Variants in CDKL4 observed in about 807,000 individuals in gnomAD.
CDKL4 encodes the protein cyclin-dependent kinase-like 4.
A neutral mutation model predicts 42.0 loss-of-function variants in CDKL4; 44 were observed. That is an observed-to-expected ratio of 1.05 (90% CI 0.82 to 1.35). The LOEUF is 1.35. Among genes scored for constraint, CDKL4 ranks in the 40% most tolerant of loss-of-function variants. The pLI, the probability that CDKL4 is intolerant of heterozygous loss-of-function variation, is 0.00. For missense variants in CDKL4, 393 were observed against 369.9 expected, an observed-to-expected ratio of 1.06 and a Z score of -0.51; for synonymous variants, 120 against 121.6, an observed-to-expected ratio of 0.99 and a Z score of 0.09.
intron 5 of CDKL4, among the ~76,000 whole-genome samples, chr2:39,190,997 C>G (rs1269868747): frequency 6.6e-6 from 1 of 152,140 alleles, no homozygotes; most frequent in Non-Finnish European, 1.5e-5. Context: ...TGACTTGAAT[C>G]CTTACAGGGA....
intron 5 of CDKL4, among the ~76,000 whole-genome samples, chr2:39,202,331 T>G (rs541682774): frequency 6.6e-6 from 1 of 152,214 alleles, no homozygotes; most frequent in African/African-American, 2.4e-5. Flanking sequence ...CAAAAACCTA[T>G]TGAAATAAAA....
At chr2:39,219,589 T>G (rs1463689223) in intron 3 of CDKL4, among the ~76,000 whole-genome samples, 1 of 151,846 alleles carries the variant, frequency 6.6e-6, no homozygotes, top group Admixed American at 6.6e-5. Flanking sequence ...CCTGGCTAAT[T>G]TTTTGTATTT....
At chr2:39,211,012 C>A (rs754592793) in intron 4 of CDKL4, among the ~76,000 whole-genome samples, 1 of 152,294 alleles carries the variant, frequency 6.6e-6, no homozygotes, top group African/African-American at 2.4e-5. Context: ...CTATGATAGA[C>A]ATTCTGCTGG....
intron 5 of CDKL4, among the ~76,000 whole-genome samples, chr2:39,204,138 T>C (rs1677021849): frequency 6.6e-6 from 1 of 152,204 alleles, no homozygotes. Flanking sequence ...CTCTGTGAAG[T>C]TTTTTTCAAC....
upstream of CDKL4, among the ~76,000 whole-genome samples, chr2:39,246,892 C>T (rs1679937032): frequency 1.3e-5 from 2 of 152,170 alleles, no homozygotes; most frequent in African/African-American, 2.4e-5. Context: ...GGACTATAGG[C>T]ATGTGCCATT....
chr2:39,202,902 A>C (rs1192644668), intron 5 of CDKL4, among the ~76,000 whole-genome samples: 1 of 152,178 alleles, frequency 6.6e-6, no homozygotes, highest in Non-Finnish European at 1.5e-5. Flanking sequence ...TTGAGCTGTA[A>C]CCAGTGCCTG....
chr2:39,222,024 G>A (rs1678404620), intron 3 of CDKL4, among the ~76,000 whole-genome samples: 1 of 152,142 alleles, frequency 6.6e-6, no homozygotes, highest in Non-Finnish European at 1.5e-5. Context: ...TGTATCCTCT[G>A]CACCAGTGTA....
chr2:39,172,681 A>C (rs1675034656), downstream of CDKL4, among the ~76,000 whole-genome samples: 1 of 152,090 alleles, frequency 6.6e-6, no homozygotes, highest in South Asian at 2.1e-4. Context: ...TCCTGAGTTC[A>C]AGTGTTTCTC....
intron 5 of CDKL4, among the ~76,000 whole-genome samples, chr2:39,191,290 T>A (rs553646961): frequency 1.4e-4 from 22 of 152,172 alleles, no homozygotes; most frequent in Middle Eastern, 3.4e-3. Flanking sequence ...TCCTAGCTAC[T>A]TGAGAAGCTG....
intron 1 of CDKL4, among the ~76,000 whole-genome samples, chr2:39,231,190 A>C (rs7581874): frequency 0.89 from 134,889 of 152,068 alleles, 60,102 homozygotes; most frequent in Non-Finnish European, 0.94. Flanking sequence ...CCAGCCTGGG[A>C]GACAGAGCAA....
intron 3 of CDKL4, among the ~76,000 whole-genome samples, chr2:39,221,034 A>G (rs533945313): frequency 2.0e-5 from 1 of 50,332 alleles, no homozygotes; most frequent in Admixed American, 3.2e-4. Context: ...GTTTTTTGAG[A>G]CAGAGTCTCG....
intron 1 of CDKL4, among the ~76,000 whole-genome samples, chr2:39,236,375 T>A (rs1301483356): frequency 6.6e-6 from 1 of 152,068 alleles, no homozygotes; most frequent in African/African-American, 2.4e-5. Context: ...TAAGTGGAAA[T>A]GGCAGAAAAA....
chr2:39,188,809 C>A (rs915872996), intron 6 of CDKL4, among the ~76,000 whole-genome samples: 1 of 152,038 alleles, frequency 6.6e-6, no homozygotes, highest in African/African-American at 2.4e-5. Context: ...TCCACCTTAG[C>A]CTCCCGAGTA....
chr2:39,222,388 G>A (rs1041571858), intron 3 of CDKL4, among the ~76,000 whole-genome samples: 3 of 152,076 alleles, frequency 2.0e-5, no homozygotes, highest in African/African-American at 7.2e-5. Flanking sequence ...TTAGGAGTTC[G>A]AGAGCAGCCT....
At chr2:39,212,694 C>T (rs980272836) in intron 4 of CDKL4, among the ~76,000 whole-genome samples, 2 of 152,088 alleles carry the variant, frequency 1.3e-5, no homozygotes, top group South Asian at 2.1e-4. Context: ...GGGTCTCACT[C>T]TGTTGTCCAG....
chr2:39,185,306 A>G (rs531320414), intron 7 of CDKL4, among the ~76,000 whole-genome samples: 5 of 30,982 alleles, frequency 1.6e-4, no homozygotes, highest in Non-Finnish European at 4.5e-4. Flanking sequence ...ATATACACAT[A>G]TGTATATATA....
At chr2:39,221,013 G>GTTTTTTTTTT (rs373203432) in intron 3 of CDKL4, among the ~76,000 whole-genome samples, 10 of 73,802 alleles carry the variant, frequency 1.4e-4, no homozygotes, top group African/African-American at 4.4e-4. Context: ...TTTTTTTTTT[G>GTTTTTTTTTT]TTTTGTTTTT....
At chr2:39,240,677 TAAAAAAAAAAA>T (rs768356807) in intron 1 of CDKL4, among the ~76,000 whole-genome samples, 1 of 87,938 alleles carries the variant, frequency 1.1e-5, no homozygotes, top group African/African-American at 4.4e-5. Flanking sequence ...AGATGAACAT[TAAAAAAAAAAA>T]AAAAAAAGAA....
At chr2:39,189,462 G>A (rs1676043345) in intron 6 of CDKL4, among the ~76,000 whole-genome samples, 1 of 152,126 alleles carries the variant, frequency 6.6e-6, no homozygotes, top group African/African-American at 2.4e-5. Flanking sequence ...TCTTAAGACT[G>A]AAAAAGATGA....
Sources: allele counts gnomAD v4.1 joint callset (sites outside exome capture counted in the v4.1 genomes callset), GRCh38; gene constraint gnomAD v4.1.1; transcripts MANE v1.5; gene names NCBI Gene and HGNC (gene_info 2026-07-23, HGNC 2026-07-21).